GLB1: variants seen among roughly 807,000 people sequenced by gnomAD.
GLB1 encodes beta-galactosidase.
Under a neutral mutation model 74.0 loss-of-function variants are expected in GLB1, and 56 were observed. That is an observed-to-expected ratio of 0.76 (90% confidence interval 0.61 to 0.94). The LOEUF is 0.94. Among genes scored for constraint, GLB1 ranks in the 40% least tolerant of loss-of-function variants. The pLI, the probability that GLB1 is intolerant of heterozygous loss-of-function variation, is 0.00. For synonymous variants in GLB1, 323 were observed against 323.6 expected, an observed-to-expected ratio of 1.00 and a Z score of 0.02; for missense variants, 787 against 845.5, an observed-to-expected ratio of 0.93 and a Z score of 0.86.
intron 1 of GLB1, 66 bp from the exon 2 acceptor site, chr3:33,072,779 A>G: frequency 6.2e-7 from 1 of 1,604,776 alleles, no homozygotes; most frequent in South Asian, 1.1e-5. Flanking sequence ...CGATCCTTTG[A>G]GAGTAGCAAG....
At chr3:32,988,456 C>G in the GLB1 span, among the ~76,000 whole-genome samples, 1 of 152,194 alleles carries the variant, frequency 6.6e-6, no homozygotes, top group African/African-American at 2.4e-5. Context: ...ATTCAGATAA[C>G]ATGGGCACTG....
intron 10 of GLB1, chr3:33,034,578 A>G (rs1575432599): frequency 2.8e-6 from 2 of 720,752 alleles, no homozygotes; most frequent in East Asian, 5.0e-5. Flanking sequence ...TGGACCTGTG[A>G]TGATGCCTTG....
chr3:32,963,524 A>T, the GLB1 span, among the ~76,000 whole-genome samples: 2 of 152,236 alleles, frequency 1.3e-5, no homozygotes, highest in Non-Finnish European at 2.9e-5. Flanking sequence ...ATCTGGTTGC[A>T]GTTAAATGCA....
At chr3:33,065,592 CA>C in intron 4 of GLB1, 35 bp from the exon 5 acceptor site, 11 of 1,551,780 alleles carry the variant, frequency 7.1e-6, no homozygotes, top group Non-Finnish European at 8.7e-6. Flanking sequence ...CAAGCTTGTC[CA>C]ACCCCAGCCT....
intron 14 of GLB1, among the ~76,000 whole-genome samples, chr3:33,014,826 G>A (rs936412558): frequency 2.6e-5 from 4 of 152,184 alleles, no homozygotes; most frequent in Non-Finnish European, 1.5e-5. Context: ...AGTTAGCTGG[G>A]TGTGGTGGCA....
At chr3:32,987,453 A>G in the GLB1 span, among the ~76,000 whole-genome samples, 2 of 152,154 alleles carry the variant, frequency 1.3e-5, no homozygotes, top group Admixed American at 6.5e-5. Context: ...TCCTTAGAGC[A>G]TCCCCTCTGT....
the GLB1 span, among the ~76,000 whole-genome samples, chr3:32,970,725 C>T: frequency 6.6e-6 from 1 of 152,142 alleles, no homozygotes; most frequent in Non-Finnish European, 1.5e-5. Flanking sequence ...GTGGATTAGC[C>T]AGCAAGACCC....
At chr3:33,043,670 A>C (rs1302372257) in intron 10 of GLB1, among the ~76,000 whole-genome samples, 1 of 99,204 alleles carries the variant, frequency 1.0e-5, no homozygotes, top group East Asian at 3.6e-4. Context: ...AAAGACAAGA[A>C]ATTTCAAACT....
At chr3:33,038,686 C>T (rs1054895497) in intron 10 of GLB1, among the ~76,000 whole-genome samples, 1 of 152,106 alleles carries the variant, frequency 6.6e-6, no homozygotes, top group Non-Finnish European at 1.5e-5. Flanking sequence ...AAAAATTGGA[C>T]TTCAGAGATC....
chr3:33,096,388 G>T, intron 1 of GLB1: 1 of 980,210 alleles, frequency 1.0e-6, no homozygotes, highest in Non-Finnish European at 1.2e-6. Context: ...TCCCCCGGCA[G>T]CCTGCCTATT....
intron 11 of GLB1, among the ~76,000 whole-genome samples, chr3:33,022,812 G>A (rs1230879925): frequency 2.0e-5 from 3 of 151,688 alleles, no homozygotes; most frequent in Non-Finnish European, 2.9e-5. Context: ...CTCCCGCCTC[G>A]GCCTCCCAAA....
At chr3:33,021,335 C>T (rs1697469151) in intron 12 of GLB1, 5 of 577,652 alleles carry the variant, frequency 8.7e-6, no homozygotes, top group South Asian at 8.1e-5. Flanking sequence ...GCAGGTTGGG[C>T]TACCTCCTGT....
chr3:33,090,419 G>T, intron 1 of GLB1: 1 of 985,382 alleles, frequency 1.0e-6, no homozygotes, highest in Non-Finnish European at 1.2e-6. Context: ...GCATGGATGG[G>T]TATTTGGAAG....
chr3:33,022,344 A>G (rs1044412623), intron 11 of GLB1, among the ~76,000 whole-genome samples: 3 of 152,072 alleles, frequency 2.0e-5, no homozygotes, highest in Admixed American at 1.3e-4. Context: ...CAATAATAAT[A>G]ACAGCTACCA....
chr3:32,969,056 G>C, the GLB1 span, among the ~76,000 whole-genome samples: 15 of 152,218 alleles, frequency 9.9e-5, no homozygotes, highest in Non-Finnish European at 4.4e-5. Context: ...GTGGTAGATA[G>C]AGTGTTCTCA....
chr3:33,072,403 T>C (rs113835096), intron 2 of GLB1, 141 bp downstream of exon 2: 1 of 1,340,512 alleles, frequency 7.5e-7, no homozygotes, highest in African/African-American at 1.4e-5. Flanking sequence ...GTCCGGCTCA[T>C]GACAAGCCCC....
chr3:33,083,553 C>G (rs1341089080), intron 1 of GLB1, among the ~76,000 whole-genome samples: 1 of 152,146 alleles, frequency 6.6e-6, no homozygotes, highest in East Asian at 1.9e-4. Flanking sequence ...TGAATTGGCG[C>G]AGGAATGCAA....
Position 33,090,743 on chromosome 3 carries a change from C to G in GLB1, c.75+6268G>C, listed in dbSNP as rs1050665254. 127 of 985,250 alleles carry G rather than the reference C, an allele frequency of 1.3e-4. No homozygotes were observed. In the African/African-American group the frequency reaches 2.1e-3, roughly 17 times the overall value. 61.0% of individuals were successfully genotyped at this position (985,250 alleles called of 1,614,324 possible). On this transcript the variant is annotated intron_variant, in intron 1 of 15. Transcript: ENST00000307363. ...TCTGCTGCAAAAATGTCCGCCGCGTCAGGGAATACAAACCACATACGAGAG... is the reference window on the plus strand; with the variant it reads ...TCTGCTGCAAAAATGTCCGCCGCGTGAGGGAATACAAACCACATACGAGAG...
In GLB1 at chr3:33,014,282, G is replaced by T; in HGVS notation, c.1508C>A (p.Ser503Tyr). Residue 503 changes from serine (S) to tyrosine (Y), a missense_variant, in exon 15 of 16, where the codon TCC (serine) becomes TAC (tyrosine). By Grantham distance (144) the Ser-to-Tyr change is moderately radical. Coordinates refer to ENST00000307363, the MANE Select transcript of GLB1 (RefSeq NM_000404.4). Reference protein sequence around the residue: ...KGLVSNLTLSSNILTDWTIFP... With the variant: ...KGLVSNLTLSYNILTDWTIFP... Reference sequence around the variant, plus strand: ...GATCGTCCAGTCCGTGAGGATATTGGAACTGAGAGTCAGGTTAGAAACCAA... The same window carrying T: ...GATCGTCCAGTCCGTGAGGATATTGTAACTGAGAGTCAGGTTAGAAACCAA... 1 of 1,614,150 alleles carries T rather than the reference G, an allele frequency of 6.2e-7. No homozygotes were observed. The highest frequency in any genetic ancestry group is 2.2e-5 in the East Asian group (1 of 44,884).
Sources: allele counts gnomAD v4.1 joint callset (sites outside exome capture counted in the v4.1 genomes callset), GRCh38; gene constraint gnomAD v4.1.1; transcripts MANE v1.5; gene names NCBI Gene and HGNC (gene_info 2026-07-23, HGNC 2026-07-21).